The following PARP8 variants were observed in gnomAD, a reference collection of about 807,000 sequenced individuals.
The protein encoded by PARP8 is poly(ADP-ribose) polymerase family member 8.
A neutral mutation model predicts 124.1 loss-of-function variants in PARP8; 51 were observed. The ratio of observed to expected loss-of-function variants is 0.41; its 90% confidence interval spans 0.33 to 0.52. The LOEUF (loss-of-function observed/expected upper bound fraction) is 0.52. PARP8 is among the 20% of genes least tolerant of loss of function. The pLI is 0.21. For synonymous variants in PARP8, 391 were observed against 361.5 expected (o/e 1.08, Z -0.93); for missense variants, 860 against 1,018.9 (o/e 0.84, Z 2.12).
At position 50,795,133 on chromosome 5, in the gene PARP8, C is replaced by A; in HGVS notation, c.1144C>A (p.His382Asn). 6.2e-7 allele frequency: 1 copy of A among 1,614,220 alleles called. No homozygotes were observed. Among genetic ancestry groups the A allele is most frequent in the African/African-American group, 1.3e-5 (1 of 75,066 alleles). The change falls in exon 12 of 26, where the codon CAT becomes AAT. Residue 382 changes from histidine to asparagine, a missense_variant. Around this residue, in one of 2 missense-constraint regions of PARP8, gnomAD observed 517 missense variants for 544.2 expected, o/e 0.95. Coordinates refer to ENST00000281631, the MANE Select transcript of PARP8 (RefSeq NM_024615.4). Reference protein sequence around the residue: ...KSEECLTLKSHRLLTRSCSGD... With the variant: ...KSEECLTLKSNRLLTRSCSGD... ...AGAGGAATGCCTAACTCTAAAGTCG[C>A]ATAGACTATTGACTCGATCTTGTTC...
At chr5:50,775,652 T>C (rs1274958119) in intron 7 of PARP8, among the ~76,000 whole-genome samples, 3 of 152,264 alleles carry the variant, frequency 2.0e-5, no homozygotes, top group Admixed American at 2.0e-4. Context: ...TTATTTTTCA[T>C]AGCTGTTGTA....
chr5:50,750,297 G>A (rs35347195), intron 3 of PARP8, 109 bp downstream of exon 3: 54,423 of 902,104 alleles, frequency 0.06, 1,945 homozygotes, highest in Middle Eastern at 0.081. Context: ...TGAAACACTG[G>A]TAGAGGAAGC....
At chr5:50,718,274 T>G (rs1407089857) in intron 2 of PARP8, among the ~76,000 whole-genome samples, 2 of 152,044 alleles carry the variant, frequency 1.3e-5, no homozygotes, top group African/African-American at 4.8e-5. Flanking sequence ...TAAAACAATT[T>G]TAGTGTAAAA....
At chr5:50,816,047 AT>A (rs759184894) in intron 15 of PARP8, among the ~76,000 whole-genome samples, 1 of 152,104 alleles carries the variant, frequency 6.6e-6, no homozygotes, top group Non-Finnish European at 1.5e-5. Flanking sequence ...AAGAAAAAAA[AT>A]AAAAGAAAAC....
intron 3 of PARP8, chr5:50,757,095 TAAG>T (rs1415937655): frequency 4.4e-6 from 2 of 451,114 alleles, no homozygotes; most frequent in East Asian, 1.4e-4. Flanking sequence ...ACTTAGAACT[TAAG>T]AAGTTGTTTC....
In PARP8 at chr5:50,759,687, G is replaced by C. The variant is rs373449170; in HGVS notation, c.229G>C (p.Val77Leu). 2 of 1,567,748 alleles carry C rather than the reference G, an allele frequency of 1.3e-6. No individual in the cohort carries two copies. The highest frequency in any genetic ancestry group is 1.7e-6 in the Non-Finnish European group (2 of 1,161,656). ...TTCAGAGAATGATGAAGATGTGCTA[G>C]TTACTACAGAGCCAATACCAGTAAT... ...SSSENDEDVL[V>L]TTEPIPVIFH... Residue 77 changes from valine (V) to leucine (L), a missense_variant, in exon 4 of 26, where the codon GTT becomes CTT. By Grantham distance (32) the Val-to-Leu change is conservative. Around this residue, in one of 2 missense-constraint regions of PARP8, gnomAD observed 517 missense variants for 544.2 expected, o/e 0.95. Coordinates refer to ENST00000281631, the MANE Select transcript of PARP8 (RefSeq NM_024615.4).
chr5:50,750,240 A>G (rs369140154), intron 3 of PARP8, 52 bp downstream of exon 3: 6 of 1,436,418 alleles, frequency 4.2e-6, no homozygotes, highest in Non-Finnish European at 4.9e-6. Context: ...TCCTTTGAAT[A>G]TTTTTTTCTT....
At chr5:50,830,109 CATTTTCAAGATGA>C (rs1746781124) in intron 22 of PARP8, 148 bp downstream of exon 22, 1 of 938,752 alleles carries the variant, frequency 1.1e-6, no homozygotes, top group African/African-American at 1.7e-5. Context: ...AAACAAAGCC[CATTTTCAAGATGA>C]ATTTATAATA....
At chr5:50,701,046 C>T (rs547175047) in intron 2 of PARP8, among the ~76,000 whole-genome samples, 1 of 152,236 alleles carries the variant, frequency 6.6e-6, no homozygotes, top group Non-Finnish European at 1.5e-5. Context: ...AATGTATATT[C>T]AAATCTTACA....
chr5:50,683,864 G>A (rs1012619928), intron 2 of PARP8, among the ~76,000 whole-genome samples: 5 of 152,152 alleles, frequency 3.3e-5, no homozygotes, highest in Non-Finnish European at 7.4e-5. Context: ...ATATAGCTAA[G>A]TAGAAATTTT....
At chr5:50,784,626 A>G (rs1391758939) in intron 9 of PARP8, among the ~76,000 whole-genome samples, 1 of 152,172 alleles carries the variant, frequency 6.6e-6, no homozygotes, top group Non-Finnish European at 1.5e-5. Context: ...ATAAGAAAGC[A>G]TTGAATAACT....
intron 2 of PARP8, among the ~76,000 whole-genome samples, chr5:50,694,593 A>G (rs918225566): frequency 3.3e-5 from 5 of 151,898 alleles, no homozygotes; most frequent in African/African-American, 1.2e-4. Flanking sequence ...TGAGCCTGAC[A>G]GTGCACATTG....
intron 25 of PARP8, among the ~76,000 whole-genome samples, chr5:50,841,739 G>A (rs538294817): frequency 1.9e-5 from 2 of 102,990 alleles, no homozygotes; most frequent in East Asian, 3.6e-4. Context: ...TTTTATGCGG[G>A]GATAAAAAAA....
intron 3 of PARP8, among the ~76,000 whole-genome samples, chr5:50,756,552 A>G (rs1462575841): frequency 1.3e-5 from 2 of 152,180 alleles, no homozygotes; most frequent in Non-Finnish European, 2.9e-5. Context: ...CTCTCATTTT[A>G]TAGCTAAAAC....
chr5:50,667,633 G>C (rs760886630), intron 1 of PARP8: 9 of 698,976 alleles, frequency 1.3e-5, no homozygotes, highest in Middle Eastern at 7.3e-4. Flanking sequence ...GGACCCCCGG[G>C]GGGCAGCGCT....
At position 50,788,664 on chromosome 5, in the gene PARP8, CA is replaced by C. The variant is rs1741589921; in HGVS notation, c.737+78del. The C allele has an allele frequency of 4.8e-6, 6 of 1,257,890 alleles. No individual in the cohort carries two copies. The South Asian group carries it at 7.8e-5, about 16-fold the overall frequency. 77.9% of individuals were successfully genotyped at this position (1,257,890 alleles called of 1,614,324 possible). ...TTCTCATTTTGTTCATTAAAACAAA[CA>C]AACAAAAACCTATTCAGTAAGAACT... is the stretch of plus-strand genomic sequence containing the variant. On this transcript the variant is annotated intron_variant, in intron 10 of 25. Transcript: ENST00000281631.
intron 9 of PARP8, among the ~76,000 whole-genome samples, chr5:50,785,262 G>A (rs1361075375): frequency 6.6e-6 from 1 of 152,048 alleles, no homozygotes; most frequent in African/African-American, 2.4e-5. Flanking sequence ...GTCATGCATA[G>A]TATGATTAAG....
At chr5:50,725,683 C>G (rs1047591147) in intron 2 of PARP8, among the ~76,000 whole-genome samples, 4 of 152,112 alleles carry the variant, frequency 2.6e-5, no homozygotes, top group Non-Finnish European at 4.4e-5. Context: ...TTTTCCATGG[C>G]AAACGGTTTC....
At chr5:50,780,072 T>G (rs1413692220) in intron 9 of PARP8, among the ~76,000 whole-genome samples, 1 of 152,150 alleles carries the variant, frequency 6.6e-6, no homozygotes, top group Non-Finnish European at 1.5e-5. Context: ...TGGCTTGGTG[T>G]TGTTTCTGTT....
Sources: allele counts gnomAD v4.1 joint callset (sites outside exome capture counted in the v4.1 genomes callset), GRCh38; gene constraint gnomAD v4.1.1; regional missense constraint gnomAD v4.1.1; transcripts MANE v1.5; gene names NCBI Gene and HGNC (gene_info 2026-07-23, HGNC 2026-07-21).